The following IL19 variants were observed in gnomAD, a reference collection of about 807,000 sequenced individuals.
IL19 encodes interleukin 19, also known as interleukin-19.
A neutral mutation model predicts 19.5 loss-of-function variants in IL19; 15 were observed. The ratio of observed to expected loss-of-function variants is 0.77; its 90% CI spans 0.52 to 1.19. The LOEUF (loss-of-function observed/expected upper bound fraction) is 1.19. IL19 is among the 50% of genes most tolerant of loss of function. The pLI, the probability that IL19 is intolerant of heterozygous loss-of-function variation, is 0.00. For missense variants in IL19, 199 were observed against 213.1 expected (o/e 0.93, Z 0.41); for synonymous variants, 78 against 78.3 (o/e 1.00, Z 0.02).
rs1558602740 is a variant in IL19, at chr1:206,770,861, G to A, written c.-366G>A. ...TGTCCCTGCTGGTCTGTAGGAGATG[G>A]TATTTTGGGGGCAGCTGCAAGGGAA... On this transcript the variant is annotated 5_prime_UTR_variant, in exon 1 of 7. Transcript: ENST00000659997. 1 of 1,586,390 alleles carries A rather than the reference G, an allele frequency of 6.3e-7. No individual in the cohort carries two copies. The highest frequency in any genetic ancestry group is 8.7e-7 in the Non-Finnish European group (1 of 1,154,452).
chr1:206,836,989 T>C lies in IL19; in HGVS notation c.176T>C (p.Ile59Thr). ...AAGGACACCTTCCCAAATGTCACTA[T>C]CCTGTCCACATTGGAGACTCTGCAG... The part of the protein sequence containing the change: ...QAKDTFPNVT[I>T]LSTLETLQII... The change falls in exon 4 of 7, where the codon ATC (isoleucine) becomes ACC (threonine). Residue 59 changes from isoleucine (I) to threonine (T), a missense_variant. Physicochemically the swap from Ile to Thr is moderately conservative, Grantham distance 89 (BLOSUM62 -1). Transcript: ENST00000659997. The C allele has an allele frequency of 1.2e-6, 2 of 1,613,978 alleles. No homozygotes were observed. The highest frequency in any genetic ancestry group is 1.7e-6 in the Non-Finnish European group (2 of 1,179,826).
chr1:206,826,551 CT>C (rs1416615776), intron 2 of IL19, among the ~76,000 whole-genome samples: 1 of 152,238 alleles, frequency 6.6e-6, no homozygotes, highest in Non-Finnish European at 1.5e-5. Context: ...CACCTGCTTT[CT>C]GTAACTCTGC....
Position 206,839,931 on chromosome 1 carries a change from C to T in IL19, c.292C>T (p.Pro98Ser), listed in dbSNP as rs570830989. 1.9e-6 allele frequency: 3 copies of T among 1,614,096 alleles called. No individual in the cohort carries two copies. The highest frequency in any genetic ancestry group is 2.2e-5 in the South Asian group (2 of 91,078). The change falls in exon 5 of 7, where the codon CCC becomes TCC. Residue 98 changes from proline to serine, a missense_variant. By Grantham distance (74) the Pro-to-Ser change is moderately conservative (BLOSUM62 -1). Transcript: ENST00000659997. Reference protein sequence around the residue: ...RVFKDHQEPNPKILRKISSIA... With the variant: ...RVFKDHQEPNSKILRKISSIA... ...GTTCAAGGATCATCAGGAGCCAAAC[C>T]CCAAAATCTTGAGAAAAATCAGCAG... is the stretch of plus-strand genomic sequence containing the variant.
intron 2 of IL19, among the ~76,000 whole-genome samples, chr1:206,825,659 CAGA>C (rs1676420761): frequency 6.6e-6 from 1 of 152,184 alleles, no homozygotes; most frequent in Non-Finnish European, 1.5e-5. Context: ...TGAAGGGGCA[CAGA>C]AGAATAATGT....
chr1:206,826,785 T>C (rs1676445905), intron 2 of IL19, among the ~76,000 whole-genome samples: 1 of 152,220 alleles, frequency 6.6e-6, no homozygotes, highest in East Asian at 1.9e-4. Flanking sequence ...TCTCAAGCCA[T>C]CCTCTATGCC....
At chr1:206,841,103 A>C in intron 6 of IL19, 25 bp downstream of exon 6, 6 of 1,588,258 alleles carry the variant, frequency 3.8e-6, no homozygotes, top group Non-Finnish European at 5.2e-6. Flanking sequence ...GAGGTTGGGG[A>C]AGATGGAAGA....
At chr1:206,825,198 A>G (rs1271013989) in intron 2 of IL19, among the ~76,000 whole-genome samples, 1 of 152,216 alleles carries the variant, frequency 6.6e-6, no homozygotes, top group Non-Finnish European at 1.5e-5. Flanking sequence ...AACTTCTCAA[A>G]TGAATCAGAA....
At chr1:206,815,195 G>T (rs1337967402) in intron 2 of IL19, among the ~76,000 whole-genome samples, 1 of 152,138 alleles carries the variant, frequency 6.6e-6, no homozygotes, top group Non-Finnish European at 1.5e-5. Context: ...ATCATTTATG[G>T]CTGGGTTCCA....
At chr1:206,791,222 A>C (rs1245619165) in intron 1 of IL19, among the ~76,000 whole-genome samples, 1 of 152,130 alleles carries the variant, frequency 6.6e-6, no homozygotes, top group Non-Finnish European at 1.5e-5. Context: ...CTAATTGGAA[A>C]GTCATTTGTT....
At chr1:206,835,397 C>T (rs890520321) in intron 2 of IL19, among the ~76,000 whole-genome samples, 6 of 152,200 alleles carry the variant, frequency 3.9e-5, no homozygotes, top group African/African-American at 1.4e-4. Flanking sequence ...TTGACATACA[C>T]CTGTCTATTC....
At chr1:206,775,543 C>A (rs375232513) in intron 1 of IL19, among the ~76,000 whole-genome samples, 6 of 152,318 alleles carry the variant, frequency 3.9e-5, no homozygotes, top group African/African-American at 1.4e-4. Context: ...ATGGAGATAA[C>A]GGCTTCTCCA....
chr1:206,821,617 C>T (rs938000750), intron 2 of IL19, among the ~76,000 whole-genome samples: 61 of 152,248 alleles, frequency 4.0e-4, no homozygotes, highest in Non-Finnish European at 5.4e-4. Flanking sequence ...TTGGCAAAGG[C>T]TCAGTCCCTG....
At chr1:206,805,267 C>T (rs1005478078) in intron 2 of IL19, among the ~76,000 whole-genome samples, 1 of 152,170 alleles carries the variant, frequency 6.6e-6, no homozygotes, top group Non-Finnish European at 1.5e-5. Flanking sequence ...TTAGTGCCAA[C>T]TTGTGCAGCC....
At chr1:206,833,660 G>A in intron 2 of IL19, 1 of 985,476 alleles carries the variant, frequency 1.0e-6, no homozygotes, top group South Asian at 4.7e-5. Flanking sequence ...CAAGAATAAG[G>A]ATTTCAGGTC....
rs192522718 is a variant in IL19 at position 206,813,708 on chromosome 1, G to A, written c.-3+14702G>A. ...CTTTTAACTTTTTTTAGTTACTGTG[G>A]TTGTTAGTTTTATATATCAGTTTGG... On this transcript the variant is annotated intron_variant, in intron 2 of 6. Coordinates refer to ENST00000659997, the MANE Select transcript of IL19 (RefSeq NM_153758.5). Among the ~76,000 whole-genome samples the A allele has an allele frequency of 1.3e-4, 20 of 152,168 alleles. No individual in the cohort carries two copies. In the East Asian group the frequency reaches 3.5e-3, roughly 26 times the overall value.
chr1:206,835,058 C>T (rs1377324729), intron 2 of IL19, among the ~76,000 whole-genome samples: 1 of 152,214 alleles, frequency 6.6e-6, no homozygotes, highest in African/African-American at 2.4e-5. Context: ...ATGTTACTTA[C>T]TACTAATATC....
intron 2 of IL19, among the ~76,000 whole-genome samples, chr1:206,829,848 A>G (rs1243312389): frequency 6.6e-6 from 1 of 152,086 alleles, no homozygotes; most frequent in Admixed American, 6.5e-5. Context: ...GAGGCTTTGA[A>G]CAGACTTTGA....
intron 1 of IL19, among the ~76,000 whole-genome samples, chr1:206,785,523 A>G (rs1310368114): frequency 6.6e-6 from 1 of 152,134 alleles, no homozygotes; most frequent in Non-Finnish European, 1.5e-5. Flanking sequence ...ACAGGTGGGG[A>G]GGAGAGTAGG....
chr1:206,801,164 T>C (rs1675671280), intron 2 of IL19, among the ~76,000 whole-genome samples: 3 of 131,308 alleles, frequency 2.3e-5, no homozygotes, highest in Non-Finnish European at 4.9e-5. Flanking sequence ...TGTCCATTCG[T>C]AGTTTAAAAA....
Sources: allele counts gnomAD v4.1 joint callset (sites outside exome capture counted in the v4.1 genomes callset), GRCh38; gene constraint gnomAD v4.1.1; transcripts MANE v1.5; gene names NCBI Gene and HGNC (gene_info 2026-07-23, HGNC 2026-07-21).